The following MCF2L variants were observed in gnomAD, a reference collection of about 807,000 sequenced individuals.
The protein encoded by MCF2L is guanine nucleotide exchange factor DBS.
In MCF2L, 97 loss-of-function variants were observed where a neutral mutation model predicts 153.4. The ratio of observed to expected loss-of-function variants is 0.63; its 90% CI spans 0.54 to 0.75. The LOEUF is 0.75. Ranked by LOEUF, MCF2L falls within the 30% of genes least tolerant of loss-of-function variation. MCF2L has a pLI of 0.00. For synonymous variants in MCF2L, 659 were observed against 632.2 expected (o/e 1.04, Z -0.64); for missense variants, 1,347 against 1,495.2 (o/e 0.90, Z 1.64).
intron 27 of MCF2L, 63 bp downstream of exon 27, chr13:113,094,698 T>G: frequency 6.4e-7 from 1 of 1,553,782 alleles, no homozygotes; most frequent in Non-Finnish European, 8.7e-7. Flanking sequence ...TAGGGGTGCT[T>G]CTGGCAGGTC....
In MCF2L at chr13:113,046,437, T is replaced by C. The variant is rs1305982354; in HGVS notation, c.369+1076T>C. ...CCCCAGTGAAGTCAGATTCTCCCAG[T>C]GAAGTCAGATTCTCCTGGCCTTTCC... On this transcript the variant is annotated intron_variant, in intron 4 of 29. Transcript: ENST00000535094. This position sits in a 1 kb window ranked among gnomAD's most constrained non-coding sequence, Gnocchi z 4.4. 1 of 460,580 alleles carries C rather than the reference T, an allele frequency of 2.2e-6. No individual in the cohort carries two copies. The allele number at this position is 460,580 out of a possible 1,614,324, so 28.5% of individuals were successfully genotyped here.
At chr13:113,011,614 T>C (rs1261589910) in intron 1 of MCF2L, among the ~76,000 whole-genome samples, 63 of 135,556 alleles carry the variant, frequency 4.6e-4, no homozygotes, top group East Asian at 7.2e-4. Context: ...GCAGTGTGGA[T>C]GGTGGACAGG....
At chr13:112,944,247 G>A (rs1473079597) in intron 2 of MCF2L, among the ~76,000 whole-genome samples, 10 of 151,630 alleles carry the variant, frequency 6.6e-5, no homozygotes, top group Admixed American at 6.6e-4. Flanking sequence ...AGGGTCCCGG[G>A]CCATGAAGGG....
intron 2 of MCF2L, among the ~76,000 whole-genome samples, chr13:113,015,471 C>CGAGGAGGGTGCCCCGATGCT (rs1479500966): frequency 2.0e-5 from 3 of 151,986 alleles, no homozygotes; most frequent in Admixed American, 6.6e-5. Flanking sequence ...GCCCCGATGC[C>CGAGGAGGGTGCCCCGATGCT]GAGGAGGGTG....
chr13:113,022,742 G>A (rs2084968676), intron 2 of MCF2L, among the ~76,000 whole-genome samples: 1 of 152,244 alleles, frequency 6.6e-6, no homozygotes, highest in South Asian at 2.1e-4. Flanking sequence ...ACGTGCGTGA[G>A]CCACATCCCA....
At position 113,088,400 on chromosome 13, in the gene MCF2L, G is replaced by T; in HGVS notation, c.2762G>T (p.Cys921Phe). 6.2e-7 allele frequency: 1 copy of T among 1,613,968 alleles called. No individual in the cohort carries two copies. The highest frequency in any genetic ancestry group is 1.3e-5 in the African/African-American group (1 of 75,066). ...GTGCTGACCAGCCAGCTGCAGGCTTGTAGAGGTGAGGCTGTCTTCAAGCGA... is the reference window on the plus strand; with the variant it reads ...GTGCTGACCAGCCAGCTGCAGGCTTTTAGAGGTGAGGCTGTCTTCAAGCGA... ...RKVLTSQLQA[C>F]REASQHRALE... is the part of the protein sequence containing the mutation. Residue 921 changes from cysteine (C) to phenylalanine (F), a missense_variant, in exon 24 of 30, where the codon TGT becomes TTT. Transcript: ENST00000535094.
Position 112,909,302 on chromosome 13 carries a change from A to T in MCF2L, c.169+6931A>T, listed in dbSNP as rs1236288940. ...GAGCTGGTGTCCTGCCAGTCTCGGG[A>T]GGCACTCGGCAGTGTGAGTACATCC... On this transcript the variant is annotated intron_variant, in intron 2 of 29. Coordinates refer to the MCF2L transcript ENST00000375608. 3.8e-6 allele frequency: 3 copies of T among 779,632 alleles called. No individual in the cohort carries two copies. In the South Asian group the frequency reaches 4.0e-5, roughly 10 times the overall value. The allele number at this position is 779,632 out of a possible 1,614,324, so 48.3% of individuals were successfully genotyped here. A position where few individuals can be genotyped will look rare whatever the true frequency, so the allele number is the denominator to read the frequency against.
intron 1 of MCF2L, among the ~76,000 whole-genome samples, chr13:113,004,273 G>A (rs766935788): frequency 5.9e-5 from 9 of 152,180 alleles, no homozygotes; most frequent in South Asian, 2.1e-4. Context: ...GCAGAGAAGC[G>A]TCCATCTGCC....
At chr13:113,095,414 C>G (rs1040003469) in intron 27 of MCF2L, 1 of 1,088,956 alleles carries the variant, frequency 9.2e-7, no homozygotes, top group Non-Finnish European at 1.1e-6. Context: ...GTGGGGGACA[C>G]AGAGGCGGAG....
At chr13:112,910,430 T>A (rs1157364017) in intron 2 of MCF2L, 1 of 152,236 alleles carries the variant, frequency 6.6e-6, no homozygotes, top group East Asian at 1.9e-4. Flanking sequence ...AAAGCAAAAT[T>A]ACAGCAGTAA....
rs2032767322 is a variant in MCF2L at position 113,070,272 on chromosome 13, C to T, written c.996+99C>T. Reference sequence around the variant, plus strand: ...GTGCCGGGAGCTGAGCCGTGCCACCCAGTTGACTTTGGCTTAATGCAGAAA... The same window carrying T: ...GTGCCGGGAGCTGAGCCGTGCCACCTAGTTGACTTTGGCTTAATGCAGAAA... On this transcript the variant is annotated intron_variant, in intron 9 of 29. Coordinates refer to ENST00000535094, the MANE Select transcript of MCF2L (RefSeq NM_001112732.3). This position sits in a 1 kb window ranked among gnomAD's most constrained non-coding sequence, Gnocchi z 5.6. The T allele has an allele frequency of 1.3e-6, 1 of 750,908 alleles. No individual in the cohort carries two copies. The highest frequency in any genetic ancestry group is 2.0e-6 in the Non-Finnish European group (1 of 500,514). 46.5% of individuals were successfully genotyped at this position (750,908 alleles called of 1,614,324 possible).
intron 17 of MCF2L, among the ~76,000 whole-genome samples, chr13:113,083,185 G>A (rs1400262477): frequency 6.6e-6 from 1 of 152,156 alleles, no homozygotes; most frequent in Admixed American, 6.5e-5. Context: ...AGGCTGCAGT[G>A]GACAGCCCCC....
At chr13:112,997,471 C>T (rs950806764) in intron 1 of MCF2L, among the ~76,000 whole-genome samples, 2 of 152,186 alleles carry the variant, frequency 1.3e-5, no homozygotes, top group Non-Finnish European at 2.9e-5. Context: ...GTGTCACTGA[C>T]CTTTGCCCCG....
chr13:112,962,164 C>T (rs1011307818), intron 2 of MCF2L, among the ~76,000 whole-genome samples: 2 of 151,086 alleles, frequency 1.3e-5, no homozygotes, highest in African/African-American at 4.9e-5. Context: ...CACACCTGTG[C>T]ATGCACAGAT....
At chr13:112,903,203 G>A (rs1001119508) in intron 2 of MCF2L, among the ~76,000 whole-genome samples, 5 of 152,178 alleles carry the variant, frequency 3.3e-5, no homozygotes, top group Non-Finnish European at 5.9e-5. Context: ...GCACCAATGG[G>A]GTGGCCACTG....
In MCF2L at chr13:113,065,100, C is replaced by T; in HGVS notation, c.756+15C>T. The T allele has an allele frequency of 1.9e-6, 3 of 1,599,988 alleles. No homozygotes were observed. The East Asian group carries it at 6.8e-5, about 36-fold the overall frequency. On this transcript the variant is annotated intron_variant, in intron 7 of 29. Transcript: ENST00000535094. ...ACAAGGCGAAGGTACATGGGGGGTG[C>T]TCCGGCTGGAAGCTGTGGGGGGCTC...
intron 2 of MCF2L, among the ~76,000 whole-genome samples, chr13:112,921,070 G>A (rs1380375016): frequency 2.6e-5 from 4 of 151,864 alleles, no homozygotes; most frequent in Non-Finnish European, 4.4e-5. Context: ...CCAGCTACTC[G>A]GGAGGCTGAG....
intron 15 of MCF2L, 128 bp from the exon 16 acceptor site, chr13:113,081,085 T>C (rs1056519793): frequency 1.3e-6 from 1 of 750,496 alleles, no homozygotes; most frequent in African/African-American, 1.8e-5. Flanking sequence ...CTGTGGGCTT[T>C]GGGTCGCCGC....
chr13:112,981,696 A>C (rs1340165916), intron 1 of MCF2L, among the ~76,000 whole-genome samples: 2 of 152,182 alleles, frequency 1.3e-5, no homozygotes, highest in Non-Finnish European at 2.9e-5. Flanking sequence ...AGGCACAGGC[A>C]GGGGGACGCA....
Sources: gnomAD v4.1 joint callset for allele counts (sites outside exome capture counted in the v4.1 genomes callset) on GRCh38, gnomAD v4.1.1 for gene constraint, Gnocchi (gnomAD v3.1) non-coding constraint, MANE v1.5 for transcripts, NCBI Gene and HGNC (gene_info 2026-07-23, HGNC 2026-07-21) for gene names.